SHC3: variants seen among roughly 807,000 people sequenced by gnomAD.
SHC3 encodes SHC-transforming protein 3.
Under a neutral mutation model 60.4 loss-of-function variants are expected in SHC3, and 15 were observed. That is an observed-to-expected ratio of 0.25 (90% CI 0.17 to 0.38). The LOEUF is 0.38. Ranked by LOEUF, SHC3 falls within the 10% of genes least tolerant of loss-of-function variation. SHC3 has a pLI of 1.00. For missense variants in SHC3, 677 were observed against 786.1 expected, an observed-to-expected ratio of 0.86 and a Z score of 1.66; for synonymous variants, 294 against 325.9, an observed-to-expected ratio of 0.90 and a Z score of 1.05.
At chr9:89,134,476 A>T (rs1033059128) in intron 1 of SHC3, among the ~76,000 whole-genome samples, 1 of 152,042 alleles carries the variant, frequency 6.6e-6, no homozygotes, top group East Asian at 1.9e-4. Context: ...AAAATTGTTA[A>T]GGGATTATAA....
intron 6 of SHC3, among the ~76,000 whole-genome samples, chr9:89,058,297 A>T (rs1824989304): frequency 1.3e-5 from 2 of 149,806 alleles, no homozygotes; most frequent in South Asian, 2.1e-4. Flanking sequence ...GTGGTGGAGG[A>T]TGCAGTGGAG....
At chr9:89,153,210 G>A (rs1163499817) in intron 1 of SHC3, among the ~76,000 whole-genome samples, 1 of 152,180 alleles carries the variant, frequency 6.6e-6, no homozygotes, top group Non-Finnish European at 1.5e-5. Flanking sequence ...CCTTTTCCTA[G>A]TAAATAATGT....
At position 89,077,778 on chromosome 9, in the gene SHC3, C is replaced by G. The variant is rs370607394; in HGVS notation, c.609+62G>C. 8.8e-6 allele frequency: 14 copies of G among 1,582,006 alleles called. No individual in the cohort carries two copies. In the Admixed American group the frequency reaches 1.7e-4, roughly 19 times the overall value. ...AATAATTCTGTGTGACTGAAGATAC[C>G]GAGTGGCAAAAAAGAGGAAGTAGAG... On this transcript the variant is annotated intron_variant, in intron 3 of 11. Transcript: ENST00000375835.
intron 10 of SHC3, among the ~76,000 whole-genome samples, chr9:89,041,187 GCT>G (rs1824681736): frequency 6.6e-6 from 1 of 152,156 alleles, no homozygotes; most frequent in African/African-American, 2.4e-5. Context: ...AGCTTGTGAT[GCT>G]CTTTCAAAAT....
At chr9:89,016,926 T>A (rs914668217) in intron 11 of SHC3, among the ~76,000 whole-genome samples, 1 of 152,168 alleles carries the variant, frequency 6.6e-6, no homozygotes, top group Non-Finnish European at 1.5e-5. Flanking sequence ...TATCAATGGA[T>A]GCAGACAAAG....
At chr9:89,077,152 G>C (rs888861231) in intron 3 of SHC3, among the ~76,000 whole-genome samples, 6 of 151,692 alleles carry the variant, frequency 4.0e-5, no homozygotes, top group African/African-American at 1.5e-4. Flanking sequence ...ACTCCAGCCC[G>C]GGGGATAGAG....
intron 5 of SHC3, among the ~76,000 whole-genome samples, chr9:89,066,419 T>G (rs1398032823): frequency 6.6e-6 from 1 of 152,238 alleles, no homozygotes; most frequent in African/African-American, 2.4e-5. Context: ...TGAGCTCTAT[T>G]GAGAAGTCTC....
At chr9:89,173,564 T>G (rs1447004014) in intron 1 of SHC3, among the ~76,000 whole-genome samples, 2 of 152,234 alleles carry the variant, frequency 1.3e-5, no homozygotes, top group African/African-American at 4.8e-5. Flanking sequence ...TCTAGAAATA[T>G]GACATTTCCT....
Position 89,178,199 on chromosome 9 carries a change from C to G in SHC3, c.262G>C (p.Ala88Pro). The part of the protein sequence containing the change: ...SSGLRGLSSA[A>P]RERAGARLSG... ...AGCCGCGCGCCCGCCCGCTCCCGGG[C>G]GGCCGACGACAGGCCGCGGAGGCCC... The change falls in exon 1 of 12, where the codon GCC becomes CCC. Residue 88 changes from alanine to proline, a missense_variant. Coordinates refer to ENST00000375835, the MANE Select transcript of SHC3 (RefSeq NM_016848.6). The surrounding 1 kb of genome is among the most constrained non-coding windows in gnomAD (Gnocchi z 6.9). 1 of 1,373,164 alleles carries G rather than the reference C, an allele frequency of 7.3e-7. No homozygotes were observed. Among genetic ancestry groups the G allele is most frequent in the Non-Finnish European group, 9.4e-7 (1 of 1,062,448 alleles). 85.1% of individuals were successfully genotyped at this position (1,373,164 alleles called of 1,614,324 possible).
At chr9:89,158,571 C>A (rs553439856) in intron 1 of SHC3, among the ~76,000 whole-genome samples, 1 of 152,052 alleles carries the variant, frequency 6.6e-6, no homozygotes, top group Admixed American at 6.6e-5. Flanking sequence ...TCCATCCTTG[C>A]GATTTTCTGT....
At chr9:89,108,374 A>C (rs1236333446) in intron 2 of SHC3, among the ~76,000 whole-genome samples, 1 of 151,742 alleles carries the variant, frequency 6.6e-6, no homozygotes, top group African/African-American at 2.4e-5. Flanking sequence ...TACAAAAATT[A>C]GCTGGACATG....
intron 2 of SHC3, among the ~76,000 whole-genome samples, chr9:89,098,546 C>A (rs7855537): frequency 6.6e-6 from 1 of 152,180 alleles, no homozygotes. Context: ...ACATGGCTCA[C>A]GCCTGTAATC....
intron 2 of SHC3, among the ~76,000 whole-genome samples, chr9:89,087,429 C>A (rs1032553607): frequency 6.6e-6 from 1 of 152,096 alleles, no homozygotes; most frequent in African/African-American, 2.4e-5. Context: ...CCAAGCAGTG[C>A]TTAGAGGAAA....
chr9:89,155,152 G>A (rs372780337), intron 1 of SHC3, among the ~76,000 whole-genome samples: 40 of 152,282 alleles, frequency 2.6e-4, no homozygotes, highest in African/African-American at 9.4e-4. Context: ...AGCTGAAGCC[G>A]GTGCCACCAG....
intron 10 of SHC3, among the ~76,000 whole-genome samples, chr9:89,041,714 A>T (rs1208155795): frequency 6.6e-6 from 1 of 152,242 alleles, no homozygotes; most frequent in Non-Finnish European, 1.5e-5. Flanking sequence ...GCTGGCACAT[A>T]ATAGCCAATT....
intron 1 of SHC3, among the ~76,000 whole-genome samples, chr9:89,169,650 G>A (rs1826840287): frequency 6.6e-6 from 1 of 151,712 alleles, no homozygotes; most frequent in South Asian, 2.1e-4. Flanking sequence ...CCACAGAAGA[G>A]CAACAGGCAA....
chr9:89,167,506 A>T (rs1276909914), intron 1 of SHC3, among the ~76,000 whole-genome samples: 1 of 152,202 alleles, frequency 6.6e-6, no homozygotes, highest in Non-Finnish European at 1.5e-5. Flanking sequence ...GCTTCTCAGC[A>T]TGTGGGAAGC....
chr9:89,042,117 G>T lies in SHC3; in HGVS notation c.1269C>A (p.Thr423=). The change falls in exon 10 of 12, where the codon ACC becomes ACA. Residue 423 remains threonine, a synonymous_variant. Transcript: ENST00000375835. ...LHVAPTGEAP[T]YVNTQQIPPQ... ...GTGGGATCTGCTGAGTGTTGACGTA[G>T]GTGGGTGCTTCTCCCGTGGGGGCCA... is the stretch of plus-strand genomic sequence containing the variant. 1.3e-6 allele frequency: 2 copies of T among 1,583,522 alleles called. No individual in the cohort carries two copies. Among genetic ancestry groups the T allele is most frequent in the Non-Finnish European group, 1.7e-6 (2 of 1,170,550 alleles).
chr9:89,043,005 C>A (rs1210317052), intron 9 of SHC3, among the ~76,000 whole-genome samples: 1 of 152,190 alleles, frequency 6.6e-6, no homozygotes, highest in African/African-American at 2.4e-5. Context: ...TTCTCGGAGT[C>A]TTTTTGTGTG....
Sources: gnomAD v4.1 joint callset for allele counts (sites outside exome capture counted in the v4.1 genomes callset) on GRCh38, gnomAD v4.1.1 for gene constraint, Gnocchi (gnomAD v3.1) non-coding constraint, MANE v1.5 for transcripts, NCBI Gene and HGNC (gene_info 2026-07-23, HGNC 2026-07-21) for gene names.